The following CPNE2 variants were observed in gnomAD, a reference collection of about 807,000 sequenced individuals.
CPNE2 encodes the protein copine 2, also known as copine-2.
Under a neutral mutation model 69.7 loss-of-function variants are expected in CPNE2, and 42 were observed. That is an observed-to-expected ratio of 0.60 (90% CI 0.47 to 0.78). The LOEUF (loss-of-function observed/expected upper bound fraction) is 0.78, where lower values mean the gene tolerates loss of function less well. Ranked by LOEUF, CPNE2 falls within the 30% of genes least tolerant of loss-of-function variation. CPNE2 has a pLI of 0.00. For missense variants in CPNE2, 587 were observed against 732.0 expected, an observed-to-expected ratio of 0.80 and a Z score of 2.29; for synonymous variants, 294 against 289.8, an observed-to-expected ratio of 1.01 and a Z score of -0.15.
At chr16:57,133,706 C>T (rs12600011) in intron 12 of CPNE2, among the ~76,000 whole-genome samples, 4,351 of 152,228 alleles carry the variant, frequency 0.029, 263 homozygotes, top group East Asian at 0.22. Context: ...TGGAGGTTAG[C>T]GTGAGCTCTG....
intron 1 of CPNE2, among the ~76,000 whole-genome samples, chr16:57,098,879 C>T (rs1362352972): frequency 6.6e-6 from 1 of 152,192 alleles, no homozygotes; most frequent in African/African-American, 2.4e-5. Flanking sequence ...GTAAGTGATT[C>T]CCTCTCAAGG....
At chr16:57,124,784 C>T in intron 10 of CPNE2, 1 of 217,804 alleles carries the variant, frequency 4.6e-6, no homozygotes, top group Non-Finnish European at 9.5e-6. Context: ...GAGGGCATCA[C>T]AGGATGCCAT....
chr16:57,136,936 C>T lies in CPNE2; in HGVS notation c.1169-213C>T, dbSNP rs372704505. On this transcript the variant is annotated intron_variant, in intron 13 of 15. Coordinates refer to ENST00000290776, the MANE Select transcript of CPNE2 (RefSeq NM_152727.6). ...TCAAAGAAAAGGCAGGATTCAAACT[C>T]TACAGGCCTGTCTGACTTCACATTC... Among the ~76,000 whole-genome samples, 43 of 152,356 alleles carry T rather than the reference C, an allele frequency of 2.8e-4. No homozygotes were observed. The East Asian group carries it at 2.9e-3, about 10-fold the overall frequency.
intron 7 of CPNE2, among the ~76,000 whole-genome samples, chr16:57,120,285 A>AG (rs2069751977): frequency 6.7e-6 from 1 of 150,246 alleles, no homozygotes; most frequent in East Asian, 2.0e-4. Context: ...AAAAAAAAAA[A>AG]AGTTATAGGC....
At chr16:57,129,618 A>C (rs2069823896) in intron 12 of CPNE2, among the ~76,000 whole-genome samples, 1 of 152,164 alleles carries the variant, frequency 6.6e-6, no homozygotes, top group Non-Finnish European at 1.5e-5. Flanking sequence ...AGAGAGTTTG[A>C]GATCTTCCTG....
Position 57,117,525 on chromosome 16 carries a change from C to T in CPNE2, c.465C>T (p.Arg155=), listed in dbSNP as rs746849536. The change falls in exon 5 of 16, where the codon CGC becomes CGT. Residue 155 remains arginine (R), a synonymous_variant. Transcript: ENST00000290776. ...TIAAQELSDN[R]VITLSLAGRR... is the part of the protein sequence containing the mutation. ...CTGCCCAGGAGCTGTCCGACAACCGCGTCATCACACTAAGCCTGGCGGGCA... is the reference window on the plus strand; with the variant it reads ...CTGCCCAGGAGCTGTCCGACAACCGTGTCATCACACTAAGCCTGGCGGGCA... 23 of 1,613,944 alleles carry T rather than the reference C, an allele frequency of 1.4e-5. No homozygotes were observed. The highest frequency in any genetic ancestry group is 8.9e-5 in the East Asian group (4 of 44,874).
intron 1 of CPNE2, among the ~76,000 whole-genome samples, chr16:57,109,700 G>A (rs1391806698): frequency 6.6e-6 from 1 of 152,166 alleles, no homozygotes; most frequent in Non-Finnish European, 1.5e-5. Flanking sequence ...GTAGCAGTGA[G>A]GACGACCAGA....
chr16:57,130,966 A>G lies in CPNE2; in HGVS notation c.1116+3063A>G, dbSNP rs1387878066. On this transcript the variant is annotated intron_variant, in intron 12 of 15. Transcript: ENST00000290776. The surrounding 1 kb of genome is among the most constrained non-coding windows in gnomAD (Gnocchi z 4.1). ...GGAGGCGGGGGCTCCTCATAGAACC[A>G]CGGGCACCAGGGGAGGGGTGGTTTG... 6.6e-6 allele frequency among the ~76,000 whole-genome samples: 1 copy of G among 152,076 alleles called. No homozygotes were observed. Among genetic ancestry groups the G allele is most frequent in the African/African-American group, 2.4e-5 (1 of 41,408 alleles).
intron 2 of CPNE2, 123 bp downstream of exon 2, chr16:57,111,045 G>A (rs1346520124): frequency 6.0e-6 from 4 of 665,628 alleles, no homozygotes; most frequent in Non-Finnish European, 9.2e-6. Flanking sequence ...GCTGGTGGCA[G>A]GGGATTACTT....
chr16:57,124,606 G>A (rs773084219), intron 10 of CPNE2: 12 of 326,560 alleles, frequency 3.7e-5, no homozygotes, highest in Non-Finnish European at 6.2e-5. Flanking sequence ...CCTGTGGCCT[G>A]GAGTCTTTGC....
chr16:57,107,632 T>A (rs1423726262), intron 1 of CPNE2, among the ~76,000 whole-genome samples: 1 of 152,206 alleles, frequency 6.6e-6, no homozygotes, highest in Non-Finnish European at 1.5e-5. Flanking sequence ...TCTCTGCTAC[T>A]TCTCCTTAGC....
chr16:57,136,862 C>T (rs770609620), intron 13 of CPNE2, among the ~76,000 whole-genome samples: 1 of 152,140 alleles, frequency 6.6e-6, no homozygotes, highest in South Asian at 2.1e-4. Flanking sequence ...TGCACTGAGC[C>T]GAGATCCTGT....
chr16:57,119,070 C>A (rs1272385843), intron 5 of CPNE2, 125 bp from the exon 6 acceptor site: 13 of 799,104 alleles, frequency 1.6e-5, no homozygotes, highest in Non-Finnish European at 2.7e-5. Context: ...GGGAGGGGGC[C>A]AGGCTGGCTC....
chr16:57,102,310 G>A (rs1438015304), intron 1 of CPNE2, among the ~76,000 whole-genome samples: 9 of 152,152 alleles, frequency 5.9e-5, no homozygotes, highest in Non-Finnish European at 7.3e-5. Flanking sequence ...GAAACCACAC[G>A]TGGTGACAGC....
intron 1 of CPNE2, among the ~76,000 whole-genome samples, chr16:57,104,524 A>G (rs768650905): frequency 4.6e-5 from 7 of 152,122 alleles, no homozygotes; most frequent in Non-Finnish European, 5.9e-5. Flanking sequence ...GGAGGTGGCT[A>G]TGATTGCTCT....
At chr16:57,108,880 T>G (rs1423448129) in intron 1 of CPNE2, among the ~76,000 whole-genome samples, 2 of 152,190 alleles carry the variant, frequency 1.3e-5, no homozygotes, top group African/African-American at 4.8e-5. Context: ...GTAAATTGTG[T>G]GTTGAAGATA....
intron 1 of CPNE2, chr16:57,094,018 C>T (rs190165523): frequency 2.8e-5 from 13 of 456,334 alleles, no homozygotes; most frequent in South Asian, 7.7e-5. Context: ...GCTGATGTTC[C>T]GGGGCCTGCC....
intron 1 of CPNE2, among the ~76,000 whole-genome samples, chr16:57,094,674 A>G (rs2069567013): frequency 6.6e-6 from 1 of 152,148 alleles, no homozygotes; most frequent in South Asian, 2.1e-4. Context: ...TGTCATTGTC[A>G]TTATCCATGG....
At position 57,148,356 on chromosome 16, in the gene CPNE2, A is replaced by G. The variant is rs78023591; in HGVS notation, c.*698A>G. The G allele has an allele frequency of 0.036, 5,501 of 152,306 alleles. 107 individuals are homozygous for G. Among genetic ancestry groups the G allele is most frequent in the Middle Eastern group, 0.11 (31 of 294 alleles). The allele number at this position is 152,306 out of a possible 1,614,324, so 9.4% of individuals were successfully genotyped here. On this transcript the variant is annotated 3_prime_UTR_variant, in exon 16 of 16. Transcript: ENST00000290776. ...GTACAAACTCAATAAATATTCATGG[A>G]TGAATAGAATGAATGTGCAGGCCCA...
Sources: allele counts gnomAD v4.1 joint callset (sites outside exome capture counted in the v4.1 genomes callset), GRCh38; gene constraint gnomAD v4.1.1; non-coding constraint Gnocchi (gnomAD v3.1); transcripts MANE v1.5; gene names NCBI Gene and HGNC (gene_info 2026-07-23, HGNC 2026-07-21).